The following TMEM233 variants were observed in gnomAD, a reference collection of about 807,000 sequenced individuals.
TMEM233 encodes transmembrane protein 233, also known as dispanin subfamily B member 2.
In TMEM233, 6 loss-of-function variants were observed where a neutral mutation model predicts 11.2. The ratio of observed to expected loss-of-function variants is 0.54; its 90% CI spans 0.29 to 1.06. The LOEUF (loss-of-function observed/expected upper bound fraction) is 1.06, where lower values mean the gene tolerates loss of function less well. Among genes scored for constraint, TMEM233 ranks in the 50% least tolerant of loss-of-function variants. The pLI is 0.08. For synonymous variants in TMEM233, 59 were observed against 55.8 expected, an observed-to-expected ratio of 1.06 and a Z score of -0.26; for missense variants, 127 against 144.7, an observed-to-expected ratio of 0.88 and a Z score of 0.63.
chr12:119,595,411 G>A lies in TMEM233; in HGVS notation c.186+1377G>A, dbSNP rs1199171594. 2.0e-5 allele frequency among the ~76,000 whole-genome samples: 3 copies of A among 152,230 alleles called. No individual in the cohort carries two copies. The highest frequency in any genetic ancestry group is 1.3e-4 in the Admixed American group (2 of 15,282). On this transcript the variant is annotated intron_variant, in intron 1 of 2. Coordinates refer to ENST00000426426, the MANE Select transcript of TMEM233 (RefSeq NM_001136534.3). This position sits in a 1 kb window ranked among gnomAD's most constrained non-coding sequence, Gnocchi z 4.3. ...TGGTGGCACCATATTCGATTCGTGGGCACCTGCAAGGCTCCATTTGCACCC... is the reference window on the plus strand; with the variant it reads ...TGGTGGCACCATATTCGATTCGTGGACACCTGCAAGGCTCCATTTGCACCC...
At chr12:119,639,905 A>G (rs1955047852) in intron 2 of TMEM233, among the ~76,000 whole-genome samples, 1 of 152,236 alleles carries the variant, frequency 6.6e-6, no homozygotes, top group Admixed American at 6.5e-5. Flanking sequence ...CAGCATGTAA[A>G]TAAGCATTGA....
At chr12:119,614,176 G>C (rs866667272) in intron 1 of TMEM233, among the ~76,000 whole-genome samples, 1 of 152,150 alleles carries the variant, frequency 6.6e-6, no homozygotes, top group Non-Finnish European at 1.5e-5. Flanking sequence ...GGGAGGCTGA[G>C]GCAGGTGGAT....
At chr12:119,608,070 A>G (rs981349050) in intron 1 of TMEM233, among the ~76,000 whole-genome samples, 2 of 152,198 alleles carry the variant, frequency 1.3e-5, no homozygotes, top group African/African-American at 4.8e-5. Context: ...CTCCTGCCCC[A>G]AAGTTAATGC....
At chr12:119,605,409 CTTTTTTTTTTTTTTTTTTTTTT>C (rs6144897) in intron 1 of TMEM233, among the ~76,000 whole-genome samples, 45,317 of 94,208 alleles carry the variant, frequency 0.48, 8,653 homozygotes, top group African/African-American at 0.52. Context: ...TATGCCTTTC[CTTTTTTTTTTTTTTTTTTTTTT>C]TTTTTTTTTT....
the TMEM233 span, among the ~76,000 whole-genome samples, chr12:119,654,055 A>G: frequency 1.3e-5 from 2 of 152,092 alleles, no homozygotes; most frequent in Admixed American, 6.5e-5. Flanking sequence ...GAAAAAATCT[A>G]AAAGGCAGCC....
intron 2 of TMEM233, among the ~76,000 whole-genome samples, chr12:119,638,409 G>A (rs1262795175): frequency 1.3e-5 from 2 of 152,128 alleles, no homozygotes; most frequent in East Asian, 1.9e-4. Context: ...GGTGCAGTCC[G>A]CTATAATTGT....
chr12:119,647,084 G>A (rs757387906), downstream of TMEM233, among the ~76,000 whole-genome samples: 1 of 151,920 alleles, frequency 6.6e-6, no homozygotes, highest in Non-Finnish European at 1.5e-5. Flanking sequence ...TGGAAGAGAT[G>A]GGAGTCTTGC....
At chr12:119,645,558 C>T (rs1955139430), downstream of TMEM233, among the ~76,000 whole-genome samples, 1 of 152,156 alleles carries the variant, frequency 6.6e-6, no homozygotes, top group Middle Eastern at 3.2e-3. Flanking sequence ...AAGGAATTCC[C>T]TTTCCAATAC....
In TMEM233 at chr12:119,594,274, C is replaced by G. The variant is rs1953984026; in HGVS notation, c.186+240C>G. 2 of 493,838 alleles carry G rather than the reference C, an allele frequency of 4.0e-6. No individual in the cohort carries two copies. The highest frequency in any genetic ancestry group is 3.9e-5 in the African/African-American group (2 of 50,812). 30.6% of individuals were successfully genotyped at this position (493,838 alleles called of 1,614,324 possible). On this transcript the variant is annotated intron_variant, in intron 1 of 2. Coordinates refer to ENST00000426426, the MANE Select transcript of TMEM233 (RefSeq NM_001136534.3). The surrounding 1 kb of genome is among the most constrained non-coding windows in gnomAD (Gnocchi z 5.6). Reference sequence around the variant, plus strand: ...GAGCCCTGATCAAGCTTCCCCCAGGCTAGCTTTCCTCTTCTTTCCAGCTCC... The same window carrying G: ...GAGCCCTGATCAAGCTTCCCCCAGGGTAGCTTTCCTCTTCTTTCCAGCTCC...
In TMEM233 at chr12:119,634,211, T is replaced by C. The variant is rs373499798; in HGVS notation, c.323+4339T>C. ...CCACAGGGAGCCTCCTTTGTAACAA[T>C]CTATTTCCACAGAGGGGCTGGAAAA... On this transcript the variant is annotated intron_variant, in intron 2 of 2. Coordinates refer to ENST00000426426, the MANE Select transcript of TMEM233 (RefSeq NM_001136534.3). The C allele has an allele frequency of 3.5e-5, 34 of 984,950 alleles. 1 individual carries two copies. Among genetic ancestry groups the C allele is most frequent in the Middle Eastern group, 5.2e-4 (1 of 1,912 alleles). 61.0% of individuals were successfully genotyped at this position (984,950 alleles called of 1,614,324 possible). A position where few individuals can be genotyped will look rare whatever the true frequency, so the allele number is the denominator to read the frequency against.
At chr12:119,623,302 C>T (rs1954683106) in intron 1 of TMEM233, among the ~76,000 whole-genome samples, 1 of 152,200 alleles carries the variant, frequency 6.6e-6, no homozygotes, top group South Asian at 2.1e-4. Context: ...ATCATCATAG[C>T]TATCATCTCA....
In TMEM233 at chr12:119,640,856, G is replaced by GAAA. The variant is rs56347532; in HGVS notation, c.*166_*168dup. 0.024 allele frequency: 9,369 copies of GAAA among 390,916 alleles called. 50 individuals are homozygous for GAAA. The highest frequency in any genetic ancestry group is 0.052 in the African/African-American group (1,653 of 31,996). The allele number at this position is 390,916 out of a possible 1,614,324, so 24.2% of individuals were successfully genotyped here. A position where few individuals can be genotyped will look rare whatever the true frequency, so the allele number is the denominator to read the frequency against. On this transcript the variant is annotated 3_prime_UTR_variant, in exon 3 of 3. Transcript: ENST00000426426. ...AGGCAGGTCCCTGGCAAATGAACAA[G>GAAA]AAAAAAAAAAAAAAAAAGTCCAAAA...
intron 2 of TMEM233, among the ~76,000 whole-genome samples, chr12:119,639,058 C>A (rs1955028014): frequency 1.3e-5 from 2 of 152,104 alleles, no homozygotes; most frequent in African/African-American, 2.4e-5. Context: ...CATATTCCTG[C>A]CTCAGGGCCT....
chr12:119,618,876 A>C (rs1341373245), intron 1 of TMEM233, among the ~76,000 whole-genome samples: 1 of 152,178 alleles, frequency 6.6e-6, no homozygotes, highest in African/African-American at 2.4e-5. Context: ...ACTGTTGGAA[A>C]GGCATGATTT....
chr12:119,607,932 T>C (rs1044990636), intron 1 of TMEM233, among the ~76,000 whole-genome samples: 4 of 152,234 alleles, frequency 2.6e-5, no homozygotes, highest in African/African-American at 9.6e-5. Context: ...ATTCTTGCTC[T>C]AAATCATATA....
At chr12:119,634,156 G>A in intron 2 of TMEM233, 1 of 598,310 alleles carries the variant, frequency 1.7e-6, no homozygotes, top group South Asian at 7.4e-5. Flanking sequence ...TGCTAGGGAG[G>A]GGAATGAAGT....
the TMEM233 span, among the ~76,000 whole-genome samples, chr12:119,650,435 T>G: frequency 6.6e-6 from 1 of 152,314 alleles, no homozygotes; most frequent in South Asian, 2.1e-4. Context: ...ATAAACTAAC[T>G]CTCAGAGTTT....
At chr12:119,628,680 T>G (rs1954812938) in intron 1 of TMEM233, among the ~76,000 whole-genome samples, 1 of 151,062 alleles carries the variant, frequency 6.6e-6, no homozygotes, top group Non-Finnish European at 1.5e-5. Context: ...TTTTTTATTT[T>G]TAGTAGAGAC....
At chr12:119,598,836 A>T (rs2136671373) in intron 1 of TMEM233, among the ~76,000 whole-genome samples, 1 of 152,338 alleles carries the variant, frequency 6.6e-6, no homozygotes, top group Non-Finnish European at 1.5e-5. Flanking sequence ...GTATTTACCC[A>T]AGTGCAATTG....
Sources: allele counts gnomAD v4.1 joint callset (sites outside exome capture counted in the v4.1 genomes callset), GRCh38; gene constraint gnomAD v4.1.1; non-coding constraint Gnocchi (gnomAD v3.1); transcripts MANE v1.5; gene names NCBI Gene and HGNC (gene_info 2026-07-23, HGNC 2026-07-21).